The following C8orf74 variants were observed in gnomAD, a reference collection of about 807,000 sequenced individuals.
C8orf74 encodes the protein uncharacterized protein C8orf74.
A neutral mutation model predicts 22.2 loss-of-function variants in C8orf74; 29 were observed. That is an observed-to-expected ratio of 1.31 (90% CI 0.97 to 1.78). The LOEUF (loss-of-function observed/expected upper bound fraction) is 1.78. Among genes scored for constraint, C8orf74 ranks in the 40% most tolerant of loss-of-function variants. The pLI is 0.00. For missense variants in C8orf74, 515 were observed against 369.9 expected (o/e 1.39, Z -3.22); for synonymous variants, 255 against 163.1 (o/e 1.56, Z -4.30).
At chr8:10,698,782 T>C (rs1275797099) in intron 3 of C8orf74, among the ~76,000 whole-genome samples, 1 of 152,214 alleles carries the variant, frequency 6.6e-6, no homozygotes, top group Admixed American at 6.5e-5. Flanking sequence ...TGTGCCTGTG[T>C]TTCAGGCATT....
chr8:10,673,455 C>T (rs1350718853), intron 1 of C8orf74: 4 of 152,212 alleles, frequency 2.6e-5, no homozygotes, highest in African/African-American at 9.7e-5. Context: ...ATTCCTTCTG[C>T]TAAAGCATTA....
chr8:10,692,726 A>G (rs1586048294), intron 2 of C8orf74: 1 of 150,022 alleles, frequency 6.7e-6, no homozygotes, highest in Non-Finnish European at 1.5e-5. Flanking sequence ...CTGGTCTTGA[A>G]CTCCCAGGCT....
chr8:10,675,281 T>A (rs1426057701), intron 2 of C8orf74, among the ~76,000 whole-genome samples: 1 of 152,006 alleles, frequency 6.6e-6, no homozygotes, highest in Admixed American at 6.6e-5. Flanking sequence ...TGCAGTCAGG[T>A]GGGTGCATGG....
intron 2 of C8orf74, among the ~76,000 whole-genome samples, chr8:10,675,212 T>G (rs1586028479): frequency 6.6e-6 from 1 of 152,318 alleles, no homozygotes; most frequent in East Asian, 1.9e-4. Flanking sequence ...TGGTAGGAGA[T>G]CTGGCTTTGC....
intron 2 of C8orf74, among the ~76,000 whole-genome samples, chr8:10,681,931 G>A (rs59080221): frequency 2.0e-5 from 3 of 152,170 alleles, no homozygotes; most frequent in Admixed American, 6.5e-5. Flanking sequence ...GGTAGCCTAG[G>A]ATGGGAAGGC....
chr8:10,682,868 G>C lies in C8orf74; in HGVS notation c.241+8030G>C, dbSNP rs559086353. 7.9e-5 allele frequency among the ~76,000 whole-genome samples: 12 copies of C among 152,342 alleles called. No homozygotes were observed. In the South Asian group the frequency reaches 2.3e-3, roughly 29 times the overall value. On this transcript the variant is annotated intron_variant, in intron 2 of 3. Coordinates refer to ENST00000304519, the MANE Select transcript of C8orf74 (RefSeq NM_001040032.2). ...GGGAGGCCTTGTGTGTCATGTGCTT[G>C]GCCTTTAACACAGCTTCTGTAATTG...
At chr8:10,695,340 A>G (rs1799468632) in intron 2 of C8orf74, among the ~76,000 whole-genome samples, 1 of 152,160 alleles carries the variant, frequency 6.6e-6, no homozygotes, top group South Asian at 2.1e-4. Context: ...CCCTCCCGAG[A>G]GGAGTGTAAC....
intron 2 of C8orf74, among the ~76,000 whole-genome samples, chr8:10,677,361 C>T (rs1799054571): frequency 1.3e-5 from 2 of 152,184 alleles, no homozygotes; most frequent in South Asian, 2.1e-4. Flanking sequence ...TTGGACTAGA[C>T]ATCCTAGTAC....
chr8:10,683,071 C>T (rs1161210625), intron 2 of C8orf74, among the ~76,000 whole-genome samples: 1 of 152,354 alleles, frequency 6.6e-6, no homozygotes, highest in Non-Finnish European at 1.5e-5. Context: ...ATCCACTCAT[C>T]CAGGGGTGCA....
chr8:10,689,810 G>T (rs143478433), intron 2 of C8orf74: 1 of 152,178 alleles, frequency 6.6e-6, no homozygotes, highest in South Asian at 2.1e-4. Context: ...TTCATTAAGC[G>T]GAAGTGGATT....
rs575097637 is a variant in C8orf74, at chr8:10,677,243, A to T, written c.241+2405A>T. On this transcript the variant is annotated intron_variant, in intron 2 of 3. Transcript: ENST00000304519. ...AAGTCCTTTCTTGTATCTAGCCTAC[A>T]GCTGCCTTCCGCCCCTCTCCAAATC... is the stretch of plus-strand genomic sequence containing the variant. Among the ~76,000 whole-genome samples the T allele has an allele frequency of 2.0e-4, 30 of 152,296 alleles. 1 individual carries two copies. In the South Asian group the frequency reaches 6.0e-3, roughly 31 times the overall value.
intron 2 of C8orf74, chr8:10,680,108 C>T (rs1799117500): frequency 6.6e-6 from 1 of 152,278 alleles, no homozygotes; most frequent in South Asian, 2.1e-4. Context: ...CCCATGGAGA[C>T]AGAGAGTTCA....
At chr8:10,681,923 T>C (rs1799159924) in intron 2 of C8orf74, among the ~76,000 whole-genome samples, 2 of 152,116 alleles carry the variant, frequency 1.3e-5, no homozygotes, top group South Asian at 4.1e-4. Flanking sequence ...GCTGCCCAGG[T>C]AGCCTAGGAT....
At chr8:10,695,504 G>A (rs1799472276) in intron 2 of C8orf74, among the ~76,000 whole-genome samples, 1 of 152,218 alleles carries the variant, frequency 6.6e-6, no homozygotes, top group African/African-American at 2.4e-5. Flanking sequence ...TCCTAACATG[G>A]CTCCAAGTGG....
chr8:10,687,866 G>C (rs913099757), intron 2 of C8orf74, among the ~76,000 whole-genome samples: 4 of 152,104 alleles, frequency 2.6e-5, no homozygotes, highest in Admixed American at 2.6e-4. Context: ...CTCAGAAAGT[G>C]TGCCCATTTA....
chr8:10,700,097 C>G (rs373535756), intron 3 of C8orf74, 138 bp from the exon 4 acceptor site: 73 of 546,660 alleles, frequency 1.3e-4, no homozygotes, highest in African/African-American at 1.3e-3. Flanking sequence ...GCCAGAGGTC[C>G]AGGCAACCAC....
At chr8:10,693,210 T>C (rs11996509) in intron 2 of C8orf74, among the ~76,000 whole-genome samples, 7,371 of 152,264 alleles carry the variant, frequency 0.048, 551 homozygotes, top group African/African-American at 0.17. Flanking sequence ...CCATGCCTGC[T>C]TCAACCACAG....
chr8:10,677,497 A>G (rs1799057697), intron 2 of C8orf74, among the ~76,000 whole-genome samples: 1 of 152,090 alleles, frequency 6.6e-6, no homozygotes, highest in Admixed American at 6.5e-5. Context: ...TATGTTCATT[A>G]TTTACCATAT....
rs569861669 is a variant in C8orf74 at position 10,700,260 on chromosome 8, C to G, written c.674C>G (p.Ala225Gly). Residue 225 changes from alanine (A) to glycine (G), a missense_variant, in exon 4 of 4, where the codon GCA becomes GGA. Transcript: ENST00000304519. The stretch of plus-strand genomic sequence containing the variant: ...GAGTTGGAGAGCCTCATCTGCCAGG[C>G]AGTCCACACCCAGATGGAGCTCCTG... ...RQELESLICQAVHTQMELLQE... is the reference protein window; with the variant it reads ...RQELESLICQGVHTQMELLQE... The G allele has an allele frequency of 4.4e-6, 7 of 1,606,038 alleles. No homozygotes were observed. In the Admixed American group the frequency reaches 1.0e-4, roughly 23 times the overall value.
Sources: gnomAD v4.1 joint callset for allele counts (sites outside exome capture counted in the v4.1 genomes callset) on GRCh38, gnomAD v4.1.1 for gene constraint, MANE v1.5 for transcripts, NCBI Gene and HGNC (gene_info 2026-07-23, HGNC 2026-07-21) for gene names.